Variants in NTN1 observed in about 807,000 individuals in gnomAD.
The protein encoded by NTN1 is netrin-1.
A neutral mutation model predicts 54.2 loss-of-function variants in NTN1; 11 were observed. The observed-to-expected ratio is 0.20, with a 90% confidence interval of 0.13 to 0.34. The LOEUF is 0.34. NTN1 is among the 10% of genes least tolerant of loss of function. NTN1 has a pLI of 1.00. For synonymous variants in NTN1, 371 were observed against 382.0 expected, an observed-to-expected ratio of 0.97 and a Z score of 0.33; for missense variants, 740 against 893.1, an observed-to-expected ratio of 0.83 and a Z score of 2.18.
At chr17:9,024,319 G>A (rs2091863215) in intron 2 of NTN1, among the ~76,000 whole-genome samples, 1 of 152,216 alleles carries the variant, frequency 6.6e-6, no homozygotes, top group Non-Finnish European at 1.5e-5. Flanking sequence ...AAAAAAGGGT[G>A]AGGGGAGGTA....
In NTN1 at chr17:9,022,361, A is replaced by G; in HGVS notation, c.-13A>G. 1 of 1,289,908 alleles carries G rather than the reference A, an allele frequency of 7.8e-7. No homozygotes were observed. The highest frequency in any genetic ancestry group is 9.8e-7 in the Non-Finnish European group (1 of 1,025,266). 79.9% of individuals were successfully genotyped at this position (1,289,908 alleles called of 1,614,324 possible). A position where few individuals can be genotyped will look rare whatever the true frequency, so the allele number is the denominator to read the frequency against. ...TCCTCGGCGCGGCAGGGCCGGGGCA[A>G]GCTGGACGCAGCATGATGCGCGCAG... On this transcript the variant is annotated 5_prime_UTR_variant, in exon 2 of 7. Transcript: ENST00000173229.
chr17:9,220,394 G>A (rs1485922208), intron 5 of NTN1, among the ~76,000 whole-genome samples: 1 of 152,268 alleles, frequency 6.6e-6, no homozygotes, highest in Non-Finnish European at 1.5e-5. Context: ...CGAAGGAATT[G>A]TGTCTCCTTG....
At chr17:9,123,823 A>G (rs2092238023) in intron 2 of NTN1, among the ~76,000 whole-genome samples, 1 of 152,180 alleles carries the variant, frequency 6.6e-6, no homozygotes, top group Non-Finnish European at 1.5e-5. Flanking sequence ...TTGTAGTCTC[A>G]TGATACATTT....
intron 6 of NTN1, among the ~76,000 whole-genome samples, chr17:9,224,655 A>AGGAGGCTCCTCCAGGCTG (rs1366878193): frequency 1.3e-5 from 2 of 152,074 alleles, no homozygotes; most frequent in Non-Finnish European, 2.9e-5. Flanking sequence ...TCCTCCAGAG[A>AGGAGGCTCCTCCAGGCTG]GCTGCGGGCC....
intron 5 of NTN1, among the ~76,000 whole-genome samples, chr17:9,210,430 ACACACC>A (rs1178758342): frequency 3.5e-4 from 28 of 79,356 alleles, no homozygotes; most frequent in African/African-American, 9.8e-4. Context: ...GCACACACAC[ACACACC>A]CCCACACCCA....
rs138323058 is a variant in NTN1, at chr17:9,107,431, G to A, written c.1019-55382G>A. On this transcript the variant is annotated intron_variant, in intron 2 of 6. Transcript: ENST00000173229. Reference sequence around the variant, plus strand: ...AAAGACATGTGGGCACTTACTCCCCGGTTATGACTGTTTCCAGATTATACA... The same window carrying A: ...AAAGACATGTGGGCACTTACTCCCCAGTTATGACTGTTTCCAGATTATACA... 5.3e-5 allele frequency among the ~76,000 whole-genome samples: 8 copies of A among 152,296 alleles called. No individual in the cohort carries two copies. In the East Asian group the frequency reaches 5.8e-4, roughly 11 times the overall value.
At chr17:9,012,388 G>T in the NTN1 span, among the ~76,000 whole-genome samples, 2 of 152,142 alleles carry the variant, frequency 1.3e-5, no homozygotes, top group Non-Finnish European at 2.9e-5. Context: ...GCGGATGCCT[G>T]TAGTCCCAGC....
intron 2 of NTN1, among the ~76,000 whole-genome samples, chr17:9,097,692 A>G (rs1470509879): frequency 6.6e-6 from 1 of 152,222 alleles, no homozygotes; most frequent in African/African-American, 2.4e-5. Flanking sequence ...GTATATATTC[A>G]TATCTGTCCT....
intron 3 of NTN1, among the ~76,000 whole-genome samples, chr17:9,163,473 C>T (rs1405063926): frequency 9.6e-6 from 1 of 104,446 alleles, no homozygotes; most frequent in African/African-American, 4.3e-5. Flanking sequence ...TCACTCCCCC[C>T]CGAAACACAC....
chr17:9,014,355 T>C, the NTN1 span, among the ~76,000 whole-genome samples: 3 of 151,200 alleles, frequency 2.0e-5, no homozygotes, highest in African/African-American at 7.4e-5. Flanking sequence ...GAATTATACA[T>C]ATGAAAAAAA....
chr17:9,155,160 G>A (rs1175268226), intron 2 of NTN1, among the ~76,000 whole-genome samples: 6 of 152,112 alleles, frequency 3.9e-5, no homozygotes, highest in Admixed American at 3.3e-4. Flanking sequence ...TCTGGTCACC[G>A]TTGAAAACAG....
intron 2 of NTN1, among the ~76,000 whole-genome samples, chr17:9,099,397 C>T (rs963210585): frequency 6.6e-6 from 1 of 152,104 alleles, no homozygotes; most frequent in African/African-American, 2.4e-5. Context: ...AAGAGCGAAA[C>T]TCTGTCTAAA....
intron 2 of NTN1, among the ~76,000 whole-genome samples, chr17:9,114,164 A>ATATATATATATATATATATATATATATAT (rs1404097905): frequency 6.2e-5 from 5 of 80,470 alleles, no homozygotes; most frequent in Admixed American, 2.6e-4. Context: ...AAAAAAAAAA[A>ATATATATATATATATATATATATATATAT]AAATATATAT....
rs1258365304 is a variant in NTN1 at position 9,227,240 on chromosome 17, T to A, written c.1486+5998T>A. The stretch of plus-strand genomic sequence containing the variant: ...ACACACCATCACATCACATACACCA[T>A]CACACACACACACTTTATCACACAG... On this transcript the variant is annotated intron_variant, in intron 6 of 6. Transcript: ENST00000173229. Among the ~76,000 whole-genome samples, 500 of 142,542 alleles carry A rather than the reference T, an allele frequency of 3.5e-3. 2 individuals carry two copies. Among genetic ancestry groups the A allele is most frequent in the African/African-American group, 0.013 (479 of 38,040 alleles). 93.5% of individuals were successfully genotyped at this position (142,542 alleles called of 152,430 possible). A position where few individuals can be genotyped will look rare whatever the true frequency, so the allele number is the denominator to read the frequency against.
intron 5 of NTN1, among the ~76,000 whole-genome samples, chr17:9,195,969 C>T (rs1490681789): frequency 1.3e-5 from 2 of 152,126 alleles, no homozygotes; most frequent in Non-Finnish European, 2.9e-5. Context: ...ATTCTGCAAG[C>T]CATTTGTTAG....
chr17:9,135,372 G>C lies in NTN1; in HGVS notation c.1019-27441G>C, dbSNP rs147471822. ...TCCCCTGCAGCCATCCTGCCAACCAGACCACACTAACGTTGTTCTCATGCA... is the reference window on the plus strand; with the variant it reads ...TCCCCTGCAGCCATCCTGCCAACCACACCACACTAACGTTGTTCTCATGCA... On this transcript the variant is annotated intron_variant, in intron 2 of 6. Coordinates refer to ENST00000173229, the MANE Select transcript of NTN1 (RefSeq NM_004822.3). This position sits in a 1 kb window ranked among gnomAD's most constrained non-coding sequence, Gnocchi z 4.4. 1.1e-3 allele frequency among the ~76,000 whole-genome samples: 160 copies of C among 152,286 alleles called. 1 individual carries two copies. The highest frequency in any genetic ancestry group is 5.4e-4 in the Non-Finnish European group (37 of 68,030).
chr17:9,092,056 AT>A (rs1258267261), intron 2 of NTN1, among the ~76,000 whole-genome samples: 1 of 148,722 alleles, frequency 6.7e-6, no homozygotes, highest in Non-Finnish European at 1.5e-5. Context: ...CGTCCGGCTA[AT>A]TTTTGTATTT....
At chr17:9,032,794 G>A (rs1485554483) in intron 2 of NTN1, among the ~76,000 whole-genome samples, 2 of 152,062 alleles carry the variant, frequency 1.3e-5, no homozygotes, top group African/African-American at 4.8e-5. Flanking sequence ...CCAGACCTCA[G>A]AGGTGGGCAG....
chr17:9,167,216 A>G (rs2092375887), intron 3 of NTN1, among the ~76,000 whole-genome samples: 1 of 152,146 alleles, frequency 6.6e-6, no homozygotes, highest in Non-Finnish European at 1.5e-5. Flanking sequence ...TCTCCGCTGA[A>G]TGGTCTGTGA....
Sources: allele counts gnomAD v4.1 joint callset (sites outside exome capture counted in the v4.1 genomes callset), GRCh38; gene constraint gnomAD v4.1.1; non-coding constraint Gnocchi (gnomAD v3.1); transcripts MANE v1.5; gene names NCBI Gene and HGNC (gene_info 2026-07-23, HGNC 2026-07-21).